The following CREB5 variants were observed in gnomAD, a reference collection of about 807,000 sequenced individuals.
CREB5 encodes cAMP responsive element binding protein 5, also known as cyclic AMP-responsive element-binding protein 5.
CREB5 carries 19 observed loss-of-function variants against 57.1 expected under a neutral mutation model. That is an observed-to-expected ratio of 0.33 (90% CI 0.23 to 0.49). The LOEUF (loss-of-function observed/expected upper bound fraction) is 0.49, where lower values mean the gene tolerates loss of function less well. CREB5 is among the 20% of genes least tolerant of loss of function. CREB5 has a pLI of 0.99. For missense variants in CREB5, 579 were observed against 671.6 expected (o/e 0.86, Z 1.52); for synonymous variants, 238 against 238.3 (o/e 1.00, Z 0.01).
chr7:28,811,725 TA>T (rs1809132409), intron 9 of CREB5, among the ~76,000 whole-genome samples: 1 of 148,296 alleles, frequency 6.7e-6, no homozygotes, highest in Non-Finnish European at 1.5e-5. Context: ...TTGAAAAATA[TA>T]ATTAGAAGAT....
At chr7:28,759,712 T>C (rs1223449715) in intron 7 of CREB5, among the ~76,000 whole-genome samples, 1 of 152,218 alleles carries the variant, frequency 6.6e-6, no homozygotes. Context: ...CACTTGCCTT[T>C]GTATAGAGAA....
At chr7:28,441,626 G>T (rs1789187025) in intron 1 of CREB5, among the ~76,000 whole-genome samples, 1 of 152,036 alleles carries the variant, frequency 6.6e-6, no homozygotes, top group Non-Finnish European at 1.5e-5. Flanking sequence ...GTGAATATTT[G>T]GTATGTGGCA....
chr7:28,320,098 T>C (rs1785467229), intron 1 of CREB5, among the ~76,000 whole-genome samples: 1 of 151,908 alleles, frequency 6.6e-6, no homozygotes, highest in Non-Finnish European at 1.5e-5. Flanking sequence ...GCCTGGCTAA[T>C]TTTTGTATTT....
At position 28,713,251 on chromosome 7, in the gene CREB5, G is replaced by T. The variant is rs533552059; in HGVS notation, c.465-5502G>T. On this transcript the variant is annotated intron_variant, in intron 5 of 10. Coordinates refer to ENST00000357727, the MANE Select transcript of CREB5 (RefSeq NM_182898.4). Reference sequence around the variant, plus strand: ...AGATGGGGTTTTGCCATGTTGCTCAGGGTGGTTTCGAACTCCTGAGCTCAA... The same window carrying T: ...AGATGGGGTTTTGCCATGTTGCTCATGGTGGTTTCGAACTCCTGAGCTCAA... 5.3e-5 allele frequency among the ~76,000 whole-genome samples: 8 copies of T among 152,182 alleles called. No homozygotes were observed. The South Asian group carries it at 1.7e-3, about 32-fold the overall frequency.
rs1235578013 is a variant in CREB5, at chr7:28,824,440, G to T, written c.*5161G>T. ...TCTCTGAGGCCACTGAAAGAACAGT[G>T]GCCCTATCGATTTCATTCCTAGGTC... On this transcript the variant is annotated 3_prime_UTR_variant, in exon 11 of 11. Coordinates refer to ENST00000357727, the MANE Select transcript of CREB5 (RefSeq NM_182898.4). The T allele has an allele frequency of 6.6e-6, 1 of 152,524 alleles. No homozygotes were observed. The highest frequency in any genetic ancestry group is 1.9e-4 in the East Asian group (1 of 5,186). 9.4% of individuals were successfully genotyped at this position (152,524 alleles called of 1,614,324 possible).
intron 1 of CREB5, among the ~76,000 whole-genome samples, chr7:28,324,313 C>T (rs1785542351): frequency 6.6e-6 from 1 of 152,138 alleles, no homozygotes; most frequent in African/African-American, 2.4e-5. Context: ...TATCTTCACT[C>T]CCTCACTTCA....
At chr7:28,334,866 G>C (rs1410016140) in intron 1 of CREB5, among the ~76,000 whole-genome samples, 1 of 152,124 alleles carries the variant, frequency 6.6e-6, no homozygotes, top group Non-Finnish European at 1.5e-5. Flanking sequence ...AATCCATTTT[G>C]ATTTGATTTT....
upstream of CREB5, among the ~76,000 whole-genome samples, chr7:28,407,598 T>C (rs1183022023): frequency 1.3e-5 from 2 of 152,246 alleles, no homozygotes; most frequent in East Asian, 3.8e-4. Context: ...CAGTCTGTAA[T>C]ATGACAGCTA....
chr7:28,358,350 C>T (rs1278597588), intron 1 of CREB5, among the ~76,000 whole-genome samples: 1 of 152,226 alleles, frequency 6.6e-6, no homozygotes, highest in Admixed American at 6.5e-5. Context: ...AACCATCACA[C>T]ATTCCCCAGC....
intron 5 of CREB5, among the ~76,000 whole-genome samples, chr7:28,595,527 G>A (rs1204297937): frequency 6.6e-6 from 1 of 152,066 alleles, no homozygotes; most frequent in African/African-American, 2.4e-5. Flanking sequence ...CCTTTCTCTG[G>A]TGGATTCCAT....
intron 1 of CREB5, among the ~76,000 whole-genome samples, chr7:28,465,775 A>AT (rs777371151): frequency 3.6e-4 from 54 of 151,552 alleles, no homozygotes; most frequent in East Asian, 7.8e-4. Flanking sequence ...ACTAATGGCT[A>AT]TTTTTTTTTC....
intron 7 of CREB5, 143 bp from the exon 8 acceptor site, chr7:28,804,056 A>C: frequency 1.3e-6 from 1 of 742,796 alleles, no homozygotes; most frequent in Non-Finnish European, 2.2e-6. Context: ...TTGTACTGGT[A>C]GCAAGATAGC....
chr7:28,430,965 A>G (rs932392609), intron 1 of CREB5, among the ~76,000 whole-genome samples: 6 of 152,142 alleles, frequency 3.9e-5, no homozygotes, highest in African/African-American at 1.4e-4. Context: ...ATCCACACCA[A>G]GCTCACTTGT....
At chr7:28,316,457 G>T (rs1487005982) in intron 1 of CREB5, among the ~76,000 whole-genome samples, 1 of 151,906 alleles carries the variant, frequency 6.6e-6, no homozygotes, top group East Asian at 1.9e-4. Flanking sequence ...AAGGAGAGAG[G>T]AAAAAAAGAA....
intron 5 of CREB5, among the ~76,000 whole-genome samples, chr7:28,585,168 T>C (rs1323121611): frequency 6.6e-6 from 1 of 152,216 alleles, no homozygotes; most frequent in Admixed American, 6.5e-5. Context: ...ACACACTTCT[T>C]GTTGATTAAG....
chr7:28,716,860 C>A (rs1333050717), intron 5 of CREB5, among the ~76,000 whole-genome samples: 2 of 152,110 alleles, frequency 1.3e-5, no homozygotes, highest in African/African-American at 4.8e-5. Flanking sequence ...GCCAAAGGAC[C>A]TTCAAAGGCC....
At chr7:28,634,969 T>A (rs1336696768) in intron 5 of CREB5, among the ~76,000 whole-genome samples, 1 of 152,230 alleles carries the variant, frequency 6.6e-6, no homozygotes, top group Non-Finnish European at 1.5e-5. Flanking sequence ...AAGACATTTA[T>A]TATTCTCATA....
chr7:28,792,042 T>C (rs1235848223), intron 7 of CREB5, among the ~76,000 whole-genome samples: 2 of 152,320 alleles, frequency 1.3e-5, no homozygotes, highest in East Asian at 1.9e-4. Context: ...TGGTGGCTCA[T>C]GCCTGTAATC....
chr7:28,670,722 A>C (rs758388803), intron 5 of CREB5, among the ~76,000 whole-genome samples: 1 of 152,240 alleles, frequency 6.6e-6, no homozygotes, highest in Non-Finnish European at 1.5e-5. Context: ...AAGTCAAAAC[A>C]AAGAAGTTCA....
Sources: gnomAD v4.1 joint callset for allele counts (sites outside exome capture counted in the v4.1 genomes callset) on GRCh38, gnomAD v4.1.1 for gene constraint, MANE v1.5 for transcripts, NCBI Gene and HGNC (gene_info 2026-07-23, HGNC 2026-07-21) for gene names.